The following DAB2IP variants were observed in gnomAD, a reference collection of about 807,000 sequenced individuals.
DAB2IP encodes the protein DAB2 interacting protein.
Under a neutral mutation model 107.2 loss-of-function variants are expected in DAB2IP, and 28 were observed. The ratio of observed to expected loss-of-function variants is 0.26; its 90% CI spans 0.19 to 0.36. The LOEUF is 0.36. Ranked by LOEUF, DAB2IP falls within the 10% of genes least tolerant of loss-of-function variation. The pLI is 1.00. For missense variants in DAB2IP, 1,400 were observed against 1,644.7 expected (o/e 0.85, Z 2.57); for synonymous variants, 755 against 706.4 (o/e 1.07, Z -1.09).
intron 1 of DAB2IP, among the ~76,000 whole-genome samples, chr9:121,618,355 A>C (rs1831350031): frequency 6.6e-6 from 1 of 151,706 alleles, no homozygotes; most frequent in East Asian, 1.9e-4. Context: ...ATGAATGGTA[A>C]ATTCAATGGA....
At chr9:121,748,368 G>A (rs1234923116) in intron 3 of DAB2IP, among the ~76,000 whole-genome samples, 1 of 152,162 alleles carries the variant, frequency 6.6e-6, no homozygotes, top group Non-Finnish European at 1.5e-5. Flanking sequence ...GGTGCCAAGA[G>A]TGTCCCACAG....
chr9:121,783,869 CT>C (rs1835831099), exon 16 of DAB2IP: 1 of 415,308 alleles, frequency 2.4e-6, no homozygotes. Context: ...CTCTCGGCCC[CT>C]GTCTGTTCCC....
intron 8 of DAB2IP, among the ~76,000 whole-genome samples, chr9:121,766,293 C>A (rs1429209771): frequency 6.6e-6 from 1 of 152,264 alleles, no homozygotes; most frequent in Admixed American, 6.5e-5. Flanking sequence ...CCTGCTCCTC[C>A]TCCTGCCTGG....
chr9:121,706,763 G>A (rs908002828), intron 3 of DAB2IP, among the ~76,000 whole-genome samples: 4 of 152,212 alleles, frequency 2.6e-5, no homozygotes, highest in Admixed American at 6.5e-5. Context: ...TGTCCTCTGT[G>A]AGCATGTGGC....
intron 1 of DAB2IP, among the ~76,000 whole-genome samples, chr9:121,567,978 G>A (rs555271233): frequency 1.3e-5 from 2 of 152,190 alleles, no homozygotes; most frequent in South Asian, 2.1e-4. Context: ...GAGTGCAAGA[G>A]TGTGGCCGAG....
At chr9:121,595,880 C>T (rs1196350556) in intron 1 of DAB2IP, among the ~76,000 whole-genome samples, 1 of 152,082 alleles carries the variant, frequency 6.6e-6, no homozygotes, top group African/African-American at 2.4e-5. Flanking sequence ...TGTGGAATTA[C>T]AGGAATAGAA....
chr9:121,586,968 A>G (rs1830325050), intron 1 of DAB2IP, among the ~76,000 whole-genome samples: 1 of 152,214 alleles, frequency 6.6e-6, no homozygotes, highest in African/African-American at 2.4e-5. Context: ...GATTCAGCAA[A>G]CATGACTCTG....
chr9:121,730,843 G>A (rs1430585820), intron 3 of DAB2IP, among the ~76,000 whole-genome samples: 1 of 152,252 alleles, frequency 6.6e-6, no homozygotes. Flanking sequence ...GGGCTGTCCT[G>A]TTGTAGATGG....
At chr9:121,655,828 T>A (rs946169826) in intron 1 of DAB2IP, among the ~76,000 whole-genome samples, 1 of 152,122 alleles carries the variant, frequency 6.6e-6, no homozygotes. Context: ...GTTTTGCAGA[T>A]GTTTTTCTCT....
chr9:121,715,957 G>T (rs1830581507), intron 3 of DAB2IP, among the ~76,000 whole-genome samples: 1 of 152,222 alleles, frequency 6.6e-6, no homozygotes, highest in Admixed American at 6.5e-5. Context: ...TTATGAAGGA[G>T]CACCAGAGGC....
intron 3 of DAB2IP, among the ~76,000 whole-genome samples, chr9:121,729,734 G>A (rs1470589826): frequency 1.3e-5 from 2 of 152,214 alleles, no homozygotes; most frequent in East Asian, 3.8e-4. Flanking sequence ...GCCCGATGGG[G>A]TGGAAAGTTT....
At chr9:121,680,743 CTT>C (rs78934765) in intron 2 of DAB2IP, among the ~76,000 whole-genome samples, 6 of 143,836 alleles carry the variant, frequency 4.2e-5, no homozygotes, top group Admixed American at 6.9e-5. Context: ...TTTTTTTTTT[CTT>C]TTTTTTTTTT....
At chr9:121,706,052 C>G (rs1830044363) in intron 3 of DAB2IP, among the ~76,000 whole-genome samples, 1 of 152,190 alleles carries the variant, frequency 6.6e-6, no homozygotes, top group Non-Finnish European at 1.5e-5. Flanking sequence ...TGCTTAGCTT[C>G]TCTCTGCTCT....
chr9:121,712,132 T>A (rs1458047669), intron 3 of DAB2IP, among the ~76,000 whole-genome samples: 1 of 152,200 alleles, frequency 6.6e-6, no homozygotes, highest in Non-Finnish European at 1.5e-5. Flanking sequence ...TTTCCTGGCA[T>A]GGAGCCCCCA....
At position 121,781,554 on chromosome 9, in the gene DAB2IP, G is replaced by C. The variant is rs967897954; in HGVS notation, c.3402+3G>C. The C allele has an allele frequency of 6.2e-6, 10 of 1,613,482 alleles. No individual in the cohort carries two copies. The highest frequency in any genetic ancestry group is 1.1e-5 in the South Asian group (1 of 91,086). ...AACAGAAGATCATTGATGCCCAGGT[G>C]GGGGCTCCGGCCCTTTGGTCAGCCA... is the stretch of plus-strand genomic sequence containing the variant. On this transcript the variant is annotated splice_donor_region_variant and intron_variant, in intron 15 of 15. Coordinates refer to ENST00000408936, the Ensembl canonical transcript of DAB2IP.
chr9:121,676,884 G>A (rs1412593250), intron 1 of DAB2IP, among the ~76,000 whole-genome samples: 1 of 152,220 alleles, frequency 6.6e-6, no homozygotes, highest in African/African-American at 2.4e-5. Flanking sequence ...CCACGCTGTT[G>A]TGGGGGAACC....
rs547401182 is a variant in DAB2IP, at chr9:121,783,060, C to T, written c.*562C>T. On this transcript the variant is annotated 3_prime_UTR_variant, in exon 16 of 16. Transcript: ENST00000408936. ...TCAGTGTCCCCTGCCTGTCTCCATC[C>T]GAAGCACCTGCCACTGCATGCAGCC... is the stretch of plus-strand genomic sequence containing the variant. 192 of 1,028,970 alleles carry T rather than the reference C, an allele frequency of 1.9e-4. 3 individuals are homozygous for T. The African/African-American group carries it at 2.7e-3, about 15-fold the overall frequency. The allele number at this position is 1,028,970 out of a possible 1,614,324, so 63.7% of individuals were successfully genotyped here.
intron 1 of DAB2IP, among the ~76,000 whole-genome samples, chr9:121,605,731 C>G (rs1219511254): frequency 1.3e-5 from 2 of 152,152 alleles, no homozygotes; most frequent in African/African-American, 2.4e-5. Flanking sequence ...GTCTTGAACT[C>G]CTAGGCTCAA....
chr9:121,590,661 G>A (rs1830407021), intron 1 of DAB2IP, among the ~76,000 whole-genome samples: 1 of 152,170 alleles, frequency 6.6e-6, no homozygotes, highest in Non-Finnish European at 1.5e-5. Context: ...ATAGCAACGG[G>A]CAGAAATGTA....
Sources: gnomAD v4.1 joint callset for allele counts (sites outside exome capture counted in the v4.1 genomes callset) on GRCh38, gnomAD v4.1.1 for gene constraint, MANE v1.5 for transcripts, NCBI Gene and HGNC (gene_info 2026-07-23, HGNC 2026-07-21) for gene names.